The following BLTP1 variants were observed in gnomAD, a reference collection of about 807,000 sequenced individuals.
The protein encoded by BLTP1 is fragile site-associated protein.
chr4:122,240,215 G>C, the BLTP1 span: 3 of 1,614,096 alleles, frequency 1.9e-6, no homozygotes, highest in Admixed American at 3.3e-5. Context: ...CTCAGTTCCA[G>C]GTAATTAATT....
chr4:122,207,464 A>G, the BLTP1 span: 1 of 1,492,080 alleles, frequency 6.7e-7, no homozygotes, highest in Non-Finnish European at 8.9e-7. Context: ...ATTTTAGGCA[A>G]TTTTATAATT....
chr4:122,343,669 C>T, the BLTP1 span: 2 of 1,561,410 alleles, frequency 1.3e-6, no homozygotes, highest in South Asian at 1.2e-5. Flanking sequence ...AGCTTTCAAG[C>T]TTTATTTTCA....
At chr4:122,294,334 C>T in the BLTP1 span, among the ~76,000 whole-genome samples, 4 of 152,212 alleles carry the variant, frequency 2.6e-5, no homozygotes, top group Non-Finnish European at 4.4e-5. Flanking sequence ...GGTCTCCAGA[C>T]ACCTCCTGTA....
the BLTP1 span, among the ~76,000 whole-genome samples, chr4:122,311,723 G>A: frequency 9.9e-5 from 15 of 152,124 alleles, no homozygotes; most frequent in Admixed American, 5.2e-4. Context: ...TAAATATTAG[G>A]ACAATATCAT....
the BLTP1 span, chr4:122,247,745 T>TA: frequency 9.9e-7 from 1 of 1,008,658 alleles, no homozygotes; most frequent in African/African-American, 1.7e-5. Context: ...TTAATTGTAA[T>TA]ATTAATCAAA....
chr4:122,361,990 G>A, the BLTP1 span: 6 of 1,588,738 alleles, frequency 3.8e-6, no homozygotes, highest in Non-Finnish European at 5.1e-6. Context: ...CATGCTTTAG[G>A]GCATTACACT....
the BLTP1 span, chr4:122,349,140 CT>C: frequency 1.9e-6 from 3 of 1,593,758 alleles, no homozygotes; most frequent in South Asian, 2.3e-5. This position sits in a 1 kb window ranked among gnomAD's most constrained non-coding sequence, Gnocchi z 4.5. Flanking sequence ...ATATAATAAC[CT>C]TTTTTTCATT....
the BLTP1 span, among the ~76,000 whole-genome samples, chr4:122,211,837 A>G: frequency 2.0e-5 from 3 of 152,290 alleles, no homozygotes; most frequent in East Asian, 1.9e-4. Flanking sequence ...TGTTCAAATC[A>G]TGTTTTAAAT....
chr4:122,185,068 A>C, the BLTP1 span: 2 of 985,364 alleles, frequency 2.0e-6, no homozygotes, highest in Non-Finnish European at 2.4e-6. Context: ...GTGAAGTAAT[A>C]GTGAAATCTA....
At chr4:122,238,022 G>C in the BLTP1 span, 6 of 1,396,486 alleles carry the variant, frequency 4.3e-6, no homozygotes, top group Admixed American at 2.2e-5. Flanking sequence ...AAATGGATTA[G>C]ATTGCCATGT....
the BLTP1 span, chr4:122,195,625 C>G: frequency 2.5e-6 from 1 of 395,868 alleles, no homozygotes; most frequent in Non-Finnish European, 3.4e-6. Context: ...CAAAGCAGCC[C>G]TTCAGGTCTA....
the BLTP1 span, chr4:122,179,768 A>G: frequency 7.6e-5 from 64 of 838,182 alleles, no homozygotes; most frequent in African/African-American, 8.5e-4. Flanking sequence ...GAGCACATAC[A>G]TGCACACACA....
At chr4:122,167,479 G>A in the BLTP1 span, among the ~76,000 whole-genome samples, 1 of 152,150 alleles carries the variant, frequency 6.6e-6, no homozygotes, top group Non-Finnish European at 1.5e-5. Flanking sequence ...GCCTTCTTGA[G>A]TAGATGCTCT....
At chr4:122,270,490 A>G in the BLTP1 span, 2 of 350,272 alleles carry the variant, frequency 5.7e-6, no homozygotes, top group Non-Finnish European at 8.0e-6. Context: ...AGGATTTGCC[A>G]AAATAATTTT....
the BLTP1 span, among the ~76,000 whole-genome samples, chr4:122,297,075 C>G: frequency 1.3e-5 from 2 of 152,138 alleles, no homozygotes; most frequent in African/African-American, 4.8e-5. Context: ...TAAATGGGAT[C>G]TAATTAAACT....
At chr4:122,265,386 T>C in the BLTP1 span, among the ~76,000 whole-genome samples, 4 of 152,256 alleles carry the variant, frequency 2.6e-5, no homozygotes, top group Non-Finnish European at 5.9e-5. Flanking sequence ...TACATTGTTA[T>C]ATTTTATTGG....
At chr4:122,348,606 A>T in the BLTP1 span, 3 of 1,609,428 alleles carry the variant, frequency 1.9e-6, no homozygotes, top group Non-Finnish European at 2.5e-6. Context: ...AACAAATCAA[A>T]CAAAGCAGCA....
chr4:122,282,565 C>T, the BLTP1 span, among the ~76,000 whole-genome samples: 1 of 152,146 alleles, frequency 6.6e-6, no homozygotes, highest in Non-Finnish European at 1.5e-5. Flanking sequence ...TCGCTTGAAT[C>T]CGGGAGGCGG....
At chr4:122,312,779 A>C in the BLTP1 span, 2 of 764,558 alleles carry the variant, frequency 2.6e-6, no homozygotes, top group Non-Finnish European at 3.2e-6. Context: ...GTAATACCAA[A>C]TTACCTAAAA....
Sources: allele counts gnomAD v4.1 joint callset (sites outside exome capture counted in the v4.1 genomes callset), GRCh38; gene constraint gnomAD v4.1.1; non-coding constraint Gnocchi (gnomAD v3.1); transcripts MANE v1.5; gene names NCBI Gene and HGNC (gene_info 2026-07-23, HGNC 2026-07-21).